ZSCAN2: variants seen among roughly 807,000 people sequenced by gnomAD.
The protein encoded by ZSCAN2 is zinc finger and SCAN domain-containing protein 2.
ZSCAN2 carries 26 observed loss-of-function variants against 47.8 expected under a neutral mutation model. The ratio of observed to expected loss-of-function variants is 0.54; its 90% confidence interval spans 0.40 to 0.75. ZSCAN2 has a LOEUF of 0.75. Among genes scored for constraint, ZSCAN2 ranks in the 30% least tolerant of loss-of-function variants. The pLI is 0.00. For missense variants in ZSCAN2, 732 were observed against 785.4 expected (o/e 0.93, Z 0.81); for synonymous variants, 305 against 288.7 (o/e 1.06, Z -0.57).
chr15:84,616,345 T>G (rs1214049522), intron 2 of ZSCAN2: 6 of 1,596,610 alleles, frequency 3.8e-6, no homozygotes, highest in Non-Finnish European at 5.2e-6. Context: ...CCTGTGTGAT[T>G]CCAGTTGCAG....
Position 84,620,943 on chromosome 15 carries a change from T to C in ZSCAN2, c.748T>C (p.Tyr250His). Residue 250 changes from tyrosine (Y) to histidine (H), a missense_variant, in exon 3 of 3, where the codon TAC (tyrosine) becomes CAC (histidine). Tyr to His is a moderately conservative substitution (Grantham distance 83, BLOSUM62 2). This residue lies in a region of ZSCAN2 where 412 missense variants were observed against 498.0 expected (regional missense o/e 0.83). Coordinates refer to ENST00000546148, the MANE Select transcript of ZSCAN2 (RefSeq NM_181877.4). ...GAGGACCCACACAGGAGAGAAATAC[T>C]ACAAATGTGATGAATGTGGAAAAAG... The part of the protein sequence containing the change: ...HERTHTGEKY[Y>H]KCDECGKSFS... 1 of 1,614,100 alleles carries C rather than the reference T, an allele frequency of 6.2e-7. No individual in the cohort carries two copies. Among genetic ancestry groups the C allele is most frequent in the Non-Finnish European group, 8.5e-7 (1 of 1,180,006 alleles).
chr15:84,621,655 C>T lies in ZSCAN2; in HGVS notation c.1460C>T (p.Ser487Phe). 2 of 1,613,928 alleles carry T rather than the reference C, an allele frequency of 1.2e-6. No homozygotes were observed. The highest frequency in any genetic ancestry group is 1.7e-6 in the Non-Finnish European group (2 of 1,179,958). The change falls in exon 3 of 3, where the codon TCC (serine) becomes TTC (phenylalanine). Residue 487 changes from serine to phenylalanine, a missense_variant. Coordinates refer to ENST00000546148, the MANE Select transcript of ZSCAN2 (RefSeq NM_181877.4). The surrounding 1 kb of genome is among the most constrained non-coding windows in gnomAD (Gnocchi z 5.7). ...LTCGESFSWS[S>F]NLLKHQRIHT... The stretch of plus-strand genomic sequence containing the variant: ...TGTGGGGAGAGCTTCAGCTGGAGCT[C>T]CAACCTCCTCAAGCACCAGAGGATC...
Position 84,621,927 on chromosome 15 carries a change from C to T in ZSCAN2, c.1732C>T (p.Arg578Ter), listed in dbSNP as rs751828877. The T allele has an allele frequency of 3.7e-6, 6 of 1,613,834 alleles. No individual in the cohort carries two copies. Among genetic ancestry groups the T allele is most frequent in the East Asian group, 2.2e-5 (1 of 44,846 alleles). The change falls in exon 3 of 3, where the codon CGA (arginine) becomes TGA (stop). Residue 578 changes from arginine to a stop codon, truncating the protein, a stop_gained. Transcript: ENST00000546148. LOFTEE classifies it high-confidence loss of function. This position sits in a 1 kb window ranked among gnomAD's most constrained non-coding sequence, Gnocchi z 5.7. ...SWNSVLIIHQ[R>*]IHTGEKPYKC... ...GAACTCAGTCCTCATTATACATCAG[C>T]GAATCCACACTGGGGAGAAGCCCTA...
At chr15:84,607,741 T>G (rs1895425567) in intron 2 of ZSCAN2, among the ~76,000 whole-genome samples, 2 of 151,886 alleles carry the variant, frequency 1.3e-5, no homozygotes, top group Admixed American at 1.3e-4. Flanking sequence ...ACTCCTGACC[T>G]CAGGTGATCC....
intron 2 of ZSCAN2, chr15:84,614,343 G>A (rs1287905371): frequency 2.6e-5 from 4 of 152,054 alleles, no homozygotes; most frequent in Admixed American, 2.6e-4. Context: ...AGTTTTAAAT[G>A]TGAATTCTTT....
rs118149048 is a variant in ZSCAN2 at position 84,616,322 on chromosome 15, C to T, written c.407-4280C>T. On this transcript the variant is annotated intron_variant, in intron 2 of 2. Transcript: ENST00000546148. ...TCTGCTTTCCAGAAACAGCTTCCTGCGTACATGGCTGCCCTGTGTGATTCC... is the reference window on the plus strand; with the variant it reads ...TCTGCTTTCCAGAAACAGCTTCCTGTGTACATGGCTGCCCTGTGTGATTCC... 22,453 of 1,493,568 alleles carry T rather than the reference C, an allele frequency of 0.015. 919 individuals are homozygous for T. The Admixed American group carries it at 0.15, about 10-fold the overall frequency. The allele number at this position is 1,493,568 out of a possible 1,614,324, so 92.5% of individuals were successfully genotyped here. A position where few individuals can be genotyped will look rare whatever the true frequency, so the allele number is the denominator to read the frequency against.
chr15:84,608,550 A>AGAAAC (rs60911709), intron 2 of ZSCAN2, among the ~76,000 whole-genome samples: 1 of 145,976 alleles, frequency 6.9e-6, no homozygotes, highest in Admixed American at 6.8e-5. Context: ...AAAAAAAAAA[A>AGAAAC]GAAACTGAGG....
intron 1 of ZSCAN2, chr15:84,601,877 T>G (rs930539396): frequency 2.0e-5 from 3 of 152,078 alleles, no homozygotes; most frequent in African/African-American, 7.2e-5. Flanking sequence ...TTTATAATAT[T>G]TTAAGTCGTT....
chr15:84,612,488 A>T lies in ZSCAN2; in HGVS notation c.407-8114A>T, dbSNP rs561936444. Among the ~76,000 whole-genome samples, 33 of 152,332 alleles carry T rather than the reference A, an allele frequency of 2.2e-4. No individual in the cohort carries two copies. In the South Asian group the frequency reaches 6.6e-3, roughly 31 times the overall value. On this transcript the variant is annotated intron_variant, in intron 2 of 2. Coordinates refer to ENST00000546148, the MANE Select transcript of ZSCAN2 (RefSeq NM_181877.4). ...GGTAGCTCATGCCTGTAATCCGAGC[A>T]CTTTGGGAGGCCGAGGCAGGTGGAT...
Position 84,620,930 on chromosome 15 carries a change from A to T in ZSCAN2, c.735A>T (p.Thr245=). The T allele has an allele frequency of 6.2e-7, 1 of 1,614,186 alleles. No individual in the cohort carries two copies. Reference sequence around the variant, plus strand: ...TCATCACACACGAGAGGACCCACACAGGAGAGAAATACTACAAATGTGATG... The same window carrying T: ...TCATCACACACGAGAGGACCCACACTGGAGAGAAATACTACAAATGTGATG... ...SHLITHERTH[T]GEKYYKCDEC... The change falls in exon 3 of 3, where the codon ACA becomes ACT. Residue 245 remains threonine (T), a synonymous_variant. Coordinates refer to ENST00000546148, the MANE Select transcript of ZSCAN2 (RefSeq NM_181877.4).
chr15:84,603,716 T>G, intron 1 of ZSCAN2, 104 bp from the exon 2 acceptor site: 1 of 511,170 alleles, frequency 2.0e-6, no homozygotes, highest in Non-Finnish European at 3.4e-6. Flanking sequence ...GTCTGTTGGT[T>G]TGCATATGTA....
chr15:84,613,027 C>A (rs1416835454), intron 2 of ZSCAN2, among the ~76,000 whole-genome samples: 1 of 152,170 alleles, frequency 6.6e-6, no homozygotes, highest in Non-Finnish European at 1.5e-5. Flanking sequence ...CTGGGTCCAG[C>A]TTGAATTTTT....
At chr15:84,606,948 C>T (rs1292211629) in intron 2 of ZSCAN2, 7 of 833,236 alleles carry the variant, frequency 8.4e-6, no homozygotes, top group African/African-American at 5.6e-5. Context: ...GACATAAGGC[C>T]GCGTGACCTC....
At chr15:84,605,833 T>C (rs891210056) in intron 2 of ZSCAN2, among the ~76,000 whole-genome samples, 1 of 152,226 alleles carries the variant, frequency 6.6e-6, no homozygotes, top group Non-Finnish European at 1.5e-5. Flanking sequence ...GGCTAGCACT[T>C]TCCAAGCTCT....
chr15:84,618,209 G>C (rs1895738502), intron 2 of ZSCAN2, among the ~76,000 whole-genome samples: 2 of 152,084 alleles, frequency 1.3e-5, no homozygotes, highest in African/African-American at 4.8e-5. Context: ...CCTGAGGTCA[G>C]GAGTTTGAGA....
At chr15:84,605,509 G>T (rs1895354327) in intron 2 of ZSCAN2, among the ~76,000 whole-genome samples, 1 of 152,186 alleles carries the variant, frequency 6.6e-6, no homozygotes, top group Non-Finnish European at 1.5e-5. Flanking sequence ...GAGCCACGGT[G>T]GTTTATACCT....
At chr15:84,610,994 A>T (rs1895531614) in intron 2 of ZSCAN2, among the ~76,000 whole-genome samples, 1 of 152,192 alleles carries the variant, frequency 6.6e-6, no homozygotes, top group Non-Finnish European at 1.5e-5. Flanking sequence ...AGAACTAAAA[A>T]TTATGAAAAT....
At chr15:84,615,718 C>T (rs1199861833) in intron 2 of ZSCAN2, among the ~76,000 whole-genome samples, 1 of 152,112 alleles carries the variant, frequency 6.6e-6, no homozygotes, top group African/African-American at 2.4e-5. Context: ...TTTTCCCATT[C>T]TTGGAATGGT....
chr15:84,607,889 G>C (rs867308794), intron 2 of ZSCAN2, among the ~76,000 whole-genome samples: 1 of 152,072 alleles, frequency 6.6e-6, no homozygotes, highest in African/African-American at 2.4e-5. Flanking sequence ...GTGCCCACCC[G>C]TGGAGACCCT....
Sources: gnomAD v4.1 joint callset for allele counts (sites outside exome capture counted in the v4.1 genomes callset) on GRCh38, gnomAD v4.1.1 for gene constraint, gnomAD v4.1.1 regional missense constraint, Gnocchi (gnomAD v3.1) non-coding constraint, MANE v1.5 for transcripts, NCBI Gene and HGNC (gene_info 2026-07-23, HGNC 2026-07-21) for gene names.